The following MBNL1 variants were observed in gnomAD, a reference collection of about 807,000 sequenced individuals.
MBNL1 encodes the protein muscleblind-like protein 1.
MBNL1 carries 8 observed loss-of-function variants against 42.2 expected under a neutral mutation model. The ratio of observed to expected loss-of-function variants is 0.19; its 90% CI spans 0.11 to 0.34. The LOEUF is 0.34. Among genes scored for constraint, MBNL1 ranks in the 10% least tolerant of loss-of-function variants. The probability of loss-of-function intolerance (pLI) is 1.00; values close to 1 mark genes in which losing one functional copy is unlikely to be tolerated. For synonymous variants in MBNL1, 169 were observed against 173.9 expected, an observed-to-expected ratio of 0.97 and a Z score of 0.22; for missense variants, 309 against 495.3, an observed-to-expected ratio of 0.62 and a Z score of 3.57.
chr3:152,268,554 G>T (rs1559950023), upstream of MBNL1: 2 of 349,966 alleles, frequency 5.7e-6, no homozygotes, highest in African/African-American at 4.4e-5. Context: ...GAAGAAGCGG[G>T]AGGGCGTCCG....
intron 2 of MBNL1, among the ~76,000 whole-genome samples, chr3:152,311,976 G>C (rs2066821031): frequency 6.6e-6 from 1 of 151,794 alleles, no homozygotes. Flanking sequence ...GGATCACGAG[G>C]TCAGGAGATC....
At chr3:152,389,012 T>G (rs2097561736) in intron 2 of MBNL1, among the ~76,000 whole-genome samples, 1 of 152,224 alleles carries the variant, frequency 6.6e-6, no homozygotes. Flanking sequence ...TTCACATGCT[T>G]TTAAACAGTT....
chr3:152,407,170 A>G (rs893298687), intron 2 of MBNL1, among the ~76,000 whole-genome samples: 5 of 147,138 alleles, frequency 3.4e-5, no homozygotes, highest in African/African-American at 1.2e-4. Context: ...GTGGTAAAGT[A>G]ATTGAAAGAA....
At chr3:152,257,846 C>T (rs2035667723) in intron 2 of MBNL1, among the ~76,000 whole-genome samples, 1 of 152,142 alleles carries the variant, frequency 6.6e-6, no homozygotes, top group African/African-American at 2.4e-5. Flanking sequence ...TTTCATGCAA[C>T]TGTGCATCTT....
chr3:152,258,395 T>G (rs539136036), intron 2 of MBNL1, among the ~76,000 whole-genome samples: 1 of 152,350 alleles, frequency 6.6e-6, no homozygotes, highest in Admixed American at 6.5e-5. Flanking sequence ...TAACAGATTC[T>G]AAAGCCTGTC....
At chr3:152,421,282 C>G (rs1025473406) in intron 3 of MBNL1, among the ~76,000 whole-genome samples, 1 of 151,934 alleles carries the variant, frequency 6.6e-6, no homozygotes, top group South Asian at 2.1e-4. Flanking sequence ...TTTTTCGTAC[C>G]CCAGTGGTGC....
intron 2 of MBNL1, among the ~76,000 whole-genome samples, chr3:152,309,767 T>A (rs1027008541): frequency 2.0e-5 from 3 of 151,910 alleles, no homozygotes; most frequent in African/African-American, 7.2e-5. Flanking sequence ...CTTTCAGATA[T>A]CTTTGCTCAT....
intron 1 of MBNL1, among the ~76,000 whole-genome samples, chr3:152,274,063 T>C (rs1322691617): frequency 6.6e-6 from 1 of 152,176 alleles, no homozygotes; most frequent in Non-Finnish European, 1.5e-5. Flanking sequence ...AGTCCTGCTT[T>C]AGCTAAATTC....
At chr3:152,267,960 A>G (rs982360451), upstream of MBNL1, 2 of 152,216 alleles carry the variant, frequency 1.3e-5, no homozygotes, top group Non-Finnish European at 2.9e-5. Context: ...CTTACATTCA[A>G]AGGAAATCCT....
In MBNL1 at chr3:152,338,119, A is replaced by G. The variant is rs1013997133; in HGVS notation, c.174+37752A>G. The G allele has an allele frequency of 1.1e-5, 11 of 982,740 alleles. No individual in the cohort carries two copies. In the African/African-American group the frequency reaches 1.9e-4, roughly 17 times the overall value. The allele number at this position is 982,740 out of a possible 1,614,324, so 60.9% of individuals were successfully genotyped here. The stretch of plus-strand genomic sequence containing the variant: ...TGTATTCCTTACTTTTCTTTCTAGA[A>G]CTAAATCTCCATACCCACTTCATCC... On this transcript the variant is annotated intron_variant, in intron 2 of 9. Coordinates refer to ENST00000324210, the MANE Select transcript of MBNL1 (RefSeq NM_021038.5).
chr3:152,433,626 T>C (rs976299954), intron 4 of MBNL1, among the ~76,000 whole-genome samples: 7 of 151,620 alleles, frequency 4.6e-5, no homozygotes, highest in Non-Finnish European at 7.4e-5. Flanking sequence ...AGCGGGCGCC[T>C]GTAGTCCCAG....
intron 2 of MBNL1, among the ~76,000 whole-genome samples, chr3:152,255,556 A>G (rs1002927069): frequency 6.6e-6 from 1 of 152,070 alleles, no homozygotes; most frequent in Non-Finnish European, 1.5e-5. Flanking sequence ...ATCAAGCAGT[A>G]TACTTTGGGC....
chr3:152,285,523 C>T (rs1236560965), intron 1 of MBNL1, among the ~76,000 whole-genome samples: 1 of 151,116 alleles, frequency 6.6e-6, no homozygotes, highest in Non-Finnish European at 1.5e-5. Flanking sequence ...AATTGTATGT[C>T]AACATATAAA....
intron 2 of MBNL1, among the ~76,000 whole-genome samples, chr3:152,349,758 C>CTGTGTGTG (rs149879214): frequency 1.3e-5 from 2 of 150,980 alleles, no homozygotes; most frequent in South Asian, 2.1e-4. Flanking sequence ...AGTAAATTGT[C>CTGTGTGTG]TGTGTGTGTG....
chr3:152,267,772 A>G (rs1559948066), upstream of MBNL1: 1 of 152,170 alleles, frequency 6.6e-6, no homozygotes. Context: ...CCTCTGGAAG[A>G]TATTTCTGCA....
At chr3:152,331,689 G>T (rs577574639) in intron 2 of MBNL1, among the ~76,000 whole-genome samples, 1 of 152,128 alleles carries the variant, frequency 6.6e-6, no homozygotes, top group South Asian at 2.1e-4. Context: ...TACTTCAAAT[G>T]TTATTGATTG....
At chr3:152,253,931 C>A (rs1187929095) in intron 2 of MBNL1, among the ~76,000 whole-genome samples, 1 of 152,118 alleles carries the variant, frequency 6.6e-6, no homozygotes, top group Non-Finnish European at 1.5e-5. Context: ...ATTTTTATTT[C>A]TTTATCCAAT....
Position 152,465,283 on chromosome 3 carries a change from C to CA in MBNL1, c.*2924dup, listed in dbSNP as rs1362710930. The stretch of plus-strand genomic sequence containing the variant: ...GCCAATTTCAGTGGTTTATTGTTCA[C>CA]AAAAAAATCTTCAAAACAAGTATTG... On this transcript the variant is annotated 3_prime_UTR_variant, in exon 10 of 10. Transcript: ENST00000324210. 1.3e-5 allele frequency: 2 copies of CA among 152,094 alleles called. No homozygotes were observed. The highest frequency in any genetic ancestry group is 2.9e-5 in the Non-Finnish European group (2 of 67,986). 9.4% of individuals were successfully genotyped at this position (152,094 alleles called of 1,614,324 possible).
At chr3:152,397,727 A>G (rs1030882832) in intron 2 of MBNL1, among the ~76,000 whole-genome samples, 5 of 152,166 alleles carry the variant, frequency 3.3e-5, no homozygotes, top group African/African-American at 7.2e-5. Flanking sequence ...TGACTAACAT[A>G]TTATAAATAT....
Sources: gnomAD v4.1 joint callset for allele counts (sites outside exome capture counted in the v4.1 genomes callset) on GRCh38, gnomAD v4.1.1 for gene constraint, MANE v1.5 for transcripts, NCBI Gene and HGNC (gene_info 2026-07-23, HGNC 2026-07-21) for gene names.